The following DNAH7 variants were observed in gnomAD, a reference collection of about 807,000 sequenced individuals.
DNAH7 encodes dynein axonemal heavy chain 7.
DNAH7 carries 397 observed loss-of-function variants against 444.6 expected under a neutral mutation model. The observed-to-expected ratio is 0.89, with a 90% CI of 0.82 to 0.97. The LOEUF (loss-of-function observed/expected upper bound fraction) is 0.97, where lower values mean the gene tolerates loss of function less well. Ranked by LOEUF, DNAH7 falls within the 50% of genes least tolerant of loss-of-function variation. The pLI, the probability that DNAH7 is intolerant of heterozygous loss-of-function variation, is 0.00. For missense variants in DNAH7, 4,902 were observed against 4,800.8 expected (o/e 1.02, Z -0.62); for synonymous variants, 1,636 against 1,624.4 (o/e 1.01, Z -0.17).
intron 28 of DNAH7, among the ~76,000 whole-genome samples, chr2:195,899,543 T>C (rs574416239): frequency 4.6e-5 from 7 of 152,314 alleles, no homozygotes; most frequent in African/African-American, 1.7e-4. Flanking sequence ...TGAAATAGAA[T>C]ATCACCACTA....
intron 34 of DNAH7, 148 bp downstream of exon 34, chr2:195,885,993 G>A: frequency 1.1e-6 from 1 of 903,106 alleles, no homozygotes; most frequent in South Asian, 2.0e-5. Context: ...AGAATTTGGG[G>A]CCTGGCTCTT....
At chr2:195,747,376 C>T (rs1435119786) in intron 63 of DNAH7, among the ~76,000 whole-genome samples, 2 of 152,164 alleles carry the variant, frequency 1.3e-5, no homozygotes, top group African/African-American at 4.8e-5. Flanking sequence ...AGTCCAGGAC[C>T]AGACGGATTC....
chr2:196,061,796 T>C (rs181698719), intron 1 of DNAH7, among the ~76,000 whole-genome samples: 2 of 152,284 alleles, frequency 1.3e-5, no homozygotes, highest in South Asian at 2.1e-4. Context: ...CATGTGTCCA[T>C]TACATACCTG....
chr2:196,036,024 ATTC>A (rs1696361263), intron 5 of DNAH7, among the ~76,000 whole-genome samples: 1 of 137,972 alleles, frequency 7.2e-6, no homozygotes, highest in Non-Finnish European at 1.6e-5. Context: ...GCATCTCCAC[ATTC>A]TTTTTTTTTT....
chr2:195,802,151 C>T (rs1696492349), intron 54 of DNAH7, among the ~76,000 whole-genome samples: 1 of 152,186 alleles, frequency 6.6e-6, no homozygotes, highest in Non-Finnish European at 1.5e-5. Flanking sequence ...TTCACCTACA[C>T]ATAAAGTTTC....
At chr2:195,808,899 A>G (rs747576555) in intron 52 of DNAH7, 23 bp from the exon 53 acceptor site, 4 of 1,603,562 alleles carry the variant, frequency 2.5e-6, no homozygotes, top group Non-Finnish European at 3.4e-6. Context: ...AGGCAGCGTG[A>G]AGAGTCAGAA....
Position 195,936,760 on chromosome 2 carries a change from G to C in DNAH7, c.3111C>G (p.Asp1037Glu). 2 of 1,583,916 alleles carry C rather than the reference G, an allele frequency of 1.3e-6. No homozygotes were observed. The highest frequency in any genetic ancestry group is 3.4e-4 in the Middle Eastern group (2 of 5,960). Residue 1037 changes from aspartate (D) to glutamate (E), a missense_variant, in exon 20 of 65, where the codon GAC becomes GAG. Coordinates refer to ENST00000312428, the MANE Select transcript of DNAH7 (RefSeq NM_018897.3). The stretch of plus-strand genomic sequence containing the variant: ...ATTTTTTCAGCCTTTCCAGCATTCT[G>C]TCAATGGTTACAACTGTCAGAACAT... ...DKHVLTVVTI[D>E]RMLERLKKSN...
intron 54 of DNAH7, among the ~76,000 whole-genome samples, chr2:195,802,547 T>TA (rs1696518483): frequency 6.6e-6 from 1 of 152,094 alleles, no homozygotes; most frequent in Non-Finnish European, 1.5e-5. Context: ...TGCATGTCTG[T>TA]AATCTCAGCT....
At chr2:195,741,596 T>C (rs1693037771) in intron 63 of DNAH7, among the ~76,000 whole-genome samples, 2 of 152,222 alleles carry the variant, frequency 1.3e-5, no homozygotes. Flanking sequence ...AGTTCCTAAT[T>C]TGTTGTGTGA....
At chr2:195,994,411 C>A in intron 12 of DNAH7, 1 of 716,934 alleles carries the variant, frequency 1.4e-6, no homozygotes, top group Non-Finnish European at 2.3e-6. Flanking sequence ...GGAATTTGGT[C>A]CTCAGTCTGC....
chr2:195,847,225 G>T (rs73062495), intron 46 of DNAH7, among the ~76,000 whole-genome samples: 6,789 of 150,734 alleles, frequency 0.045, 499 homozygotes, highest in African/African-American at 0.16. Flanking sequence ...ACACACATGT[G>T]TATGTTCATC....
intron 19 of DNAH7, among the ~76,000 whole-genome samples, chr2:195,940,164 C>T (rs182667860): frequency 2.6e-5 from 4 of 152,178 alleles, no homozygotes; most frequent in African/African-American, 9.6e-5. Flanking sequence ...GGTACTGGTA[C>T]CAAAACAGAT....
At position 195,858,575 on chromosome 2, in the gene DNAH7, T is replaced by C. The variant is rs751284525; in HGVS notation, c.7966A>G (p.Met2656Val). The C allele has an allele frequency of 5.6e-6, 9 of 1,614,020 alleles. No individual in the cohort carries two copies. Among genetic ancestry groups the C allele is most frequent in the Non-Finnish European group, 6.8e-6 (8 of 1,179,958 alleles). ...TCATCTTTGATGGCTTTGGAAGCCA[T>C]AGCTTGTTCATTCGCTATTGTTTCA... ...ADETIANEQA[M>V]ASKAIKDECD... The change falls in exon 43 of 65, where the codon ATG (methionine) becomes GTG (valine). Residue 2656 changes from methionine (M) to valine (V), a missense_variant. Transcript: ENST00000312428.
chr2:196,051,710 T>A (rs189444500), intron 2 of DNAH7, among the ~76,000 whole-genome samples: 1 of 151,986 alleles, frequency 6.6e-6, no homozygotes, highest in East Asian at 1.9e-4. Context: ...GAGGTTGCAG[T>A]GAGCAGAGAT....
chr2:195,776,234 G>A (rs1017270691), intron 59 of DNAH7, among the ~76,000 whole-genome samples: 1 of 151,914 alleles, frequency 6.6e-6, no homozygotes, highest in East Asian at 1.9e-4. Flanking sequence ...ACCTGAGGTC[G>A]GGAGTTTGAG....
chr2:195,888,692 A>T (rs923009070), intron 32 of DNAH7, 107 bp downstream of exon 32: 8 of 1,216,048 alleles, frequency 6.6e-6, no homozygotes, highest in African/African-American at 1.5e-5. Flanking sequence ...ATCGCTCTTA[A>T]AAGAAATTCT....
chr2:195,743,582 A>C (rs1157595147), intron 63 of DNAH7, among the ~76,000 whole-genome samples: 1 of 152,214 alleles, frequency 6.6e-6, no homozygotes, highest in Non-Finnish European at 1.5e-5. Context: ...GATTGGAAAA[A>C]AAGAAACTTG....
chr2:195,978,261 A>C (rs1692333408), intron 15 of DNAH7, among the ~76,000 whole-genome samples: 1 of 152,190 alleles, frequency 6.6e-6, no homozygotes, highest in African/African-American at 2.4e-5. Context: ...GATACAGTCA[A>C]AACATAAGAT....
intron 12 of DNAH7, chr2:195,995,003 C>T: frequency 3.8e-6 from 1 of 261,144 alleles, no homozygotes; most frequent in South Asian, 4.5e-5. Context: ...AATCTCGGCT[C>T]ACTGCAACCT....
Sources: allele counts gnomAD v4.1 joint callset (sites outside exome capture counted in the v4.1 genomes callset), GRCh38; gene constraint gnomAD v4.1.1; transcripts MANE v1.5; gene names NCBI Gene and HGNC (gene_info 2026-07-23, HGNC 2026-07-21).